The following MYOM3 variants were observed in gnomAD, a reference collection of about 807,000 sequenced individuals.
MYOM3 encodes myomesin-3.
MYOM3 carries 155 observed loss-of-function variants against 191.7 expected under a neutral mutation model. That is an observed-to-expected ratio of 0.81 (90% CI 0.71 to 0.92). MYOM3 has a LOEUF of 0.92. Ranked by LOEUF, MYOM3 falls within the 40% of genes least tolerant of loss-of-function variation. The pLI, the probability that MYOM3 is intolerant of heterozygous loss-of-function variation, is 0.00. For missense variants in MYOM3, 1,889 were observed against 1,890.6 expected (o/e 1.00, Z 0.02); for synonymous variants, 757 against 762.9 (o/e 0.99, Z 0.13).
At chr1:24,106,912 G>A (rs940022661) in intron 4 of MYOM3, among the ~76,000 whole-genome samples, 161 bp downstream of exon 4, 6 of 152,184 alleles carry the variant, frequency 3.9e-5, no homozygotes, top group African/African-American at 1.2e-4. Flanking sequence ...ACAGGGATGC[G>A]CTTGCCCGGG....
chr1:24,106,402 T>C (rs774363446), intron 4 of MYOM3, among the ~76,000 whole-genome samples: 14 of 152,066 alleles, frequency 9.2e-5, no homozygotes, highest in Non-Finnish European at 2.1e-4. Flanking sequence ...AAAGCCTGTG[T>C]AAGTGGAAGC....
chr1:24,066,467 C>T, intron 28 of MYOM3: 1 of 547,062 alleles, frequency 1.8e-6, no homozygotes, highest in Non-Finnish European at 3.3e-6. Flanking sequence ...TCTGGGAGAG[C>T]ACCCACCCTC....
intron 23 of MYOM3, among the ~76,000 whole-genome samples, chr1:24,072,269 A>G (rs1643541606): frequency 6.6e-6 from 1 of 152,168 alleles, no homozygotes; most frequent in Non-Finnish European, 1.5e-5. Flanking sequence ...TTCAAGGCCT[A>G]GATCAAGTCT....
chr1:24,086,507 A>G, intron 15 of MYOM3, 137 bp downstream of exon 15: 2 of 855,026 alleles, frequency 2.3e-6, no homozygotes, highest in South Asian at 1.8e-5. Context: ...CAGGCCTGAG[A>G]TCAAATTGCT....
At chr1:24,064,796 G>C (rs1464390011) in intron 29 of MYOM3, among the ~76,000 whole-genome samples, 2 of 152,110 alleles carry the variant, frequency 1.3e-5, no homozygotes, top group African/African-American at 4.8e-5. Context: ...GTGGGTTTGG[G>C]GCAGGATCCA....
At position 24,087,357 on chromosome 1, in the gene MYOM3, CA is replaced by C. The variant is rs1312734282; in HGVS notation, c.1615-531del. On this transcript the variant is annotated intron_variant, in intron 14 of 36. Coordinates refer to ENST00000374434, the MANE Select transcript of MYOM3 (RefSeq NM_152372.4). This position sits in a 1 kb window ranked among gnomAD's most constrained non-coding sequence, Gnocchi z 4.5. ...CTTCCGTCTTGTCTCAAATGGCCAT[CA>C]GGGGGATCCTTTTATAGCACGTGTC... is the stretch of plus-strand genomic sequence containing the variant. Among the ~76,000 whole-genome samples, 8 of 152,136 alleles carry C rather than the reference CA, an allele frequency of 5.3e-5. No homozygotes were observed. The highest frequency in any genetic ancestry group is 7.2e-5 in the African/African-American group (3 of 41,444).
Position 24,090,096 on chromosome 1 carries a change from G to A in MYOM3, c.1455C>T (p.Asn485=), listed in dbSNP as rs1209965304. ...AAGCGTCTGTGCTGATGGTGATCTT[G>A]TTTCCCAGATCAAAGGGGATCTCTA... is the stretch of plus-strand genomic sequence containing the variant. ...RKTEIPFDLG[N]KITISTDAFE... The change falls in exon 13 of 37, where the codon AAC becomes AAT. Residue 485 remains asparagine (N), a synonymous_variant. Coordinates refer to ENST00000374434, the MANE Select transcript of MYOM3 (RefSeq NM_152372.4). 6.2e-7 allele frequency: 1 copy of A among 1,613,734 alleles called. No individual in the cohort carries two copies. Among genetic ancestry groups the A allele is most frequent in the Non-Finnish European group, 8.5e-7 (1 of 1,179,758 alleles).
At chr1:24,067,354 T>G (rs1393214050) in intron 27 of MYOM3, among the ~76,000 whole-genome samples, 1 of 71,924 alleles carries the variant, frequency 1.4e-5, no homozygotes, top group African/African-American at 5.3e-5. Context: ...CTTTCTTTCT[T>G]TCTTTCTTTC....
At chr1:24,077,466 C>T (rs1324479197) in intron 20 of MYOM3, among the ~76,000 whole-genome samples, 3 of 152,188 alleles carry the variant, frequency 2.0e-5, no homozygotes, top group Non-Finnish European at 2.9e-5. Context: ...TGCCTTTGCC[C>T]TTGCTGAGTG....
intron 15 of MYOM3, 99 bp downstream of exon 15, chr1:24,086,545 G>A: frequency 8.1e-7 from 1 of 1,232,610 alleles, no homozygotes; most frequent in Non-Finnish European, 1.1e-6. Context: ...GTAGAAGGGA[G>A]CGGGGACAGG....
intron 7 of MYOM3, 109 bp from the exon 8 acceptor site, chr1:24,095,595 G>T: frequency 3.3e-6 from 3 of 911,038 alleles, no homozygotes; most frequent in Non-Finnish European, 5.0e-6. Context: ...TCTGTTGGTG[G>T]CTTCCCCTTG....
chr1:24,071,236 C>A lies in MYOM3; in HGVS notation c.3031G>T (p.Gly1011Cys). 1.2e-6 allele frequency: 2 copies of A among 1,613,346 alleles called. No individual in the cohort carries two copies. The highest frequency in any genetic ancestry group is 1.7e-6 in the Non-Finnish European group (2 of 1,179,680). ...CGCTCCAGGATGTCAATGTTCCAGC[C>A]GGAGATCAGTTTGATCACTGGGAGG... The part of the protein sequence containing the change: ...IRNPVIKLIS[G>C]WNIDILERGE... Residue 1011 changes from glycine (G) to cysteine (C), a missense_variant, in exon 25 of 37, where the codon GGC (glycine) becomes TGC (cysteine). Coordinates refer to ENST00000374434, the MANE Select transcript of MYOM3 (RefSeq NM_152372.4).
intron 23 of MYOM3, among the ~76,000 whole-genome samples, chr1:24,073,462 C>T (rs1643555518): frequency 6.6e-6 from 1 of 152,160 alleles, no homozygotes; most frequent in South Asian, 2.1e-4. Flanking sequence ...ATTGTCACCC[C>T]ATTTCTCAGA....
chr1:24,082,140 T>G lies in MYOM3; in HGVS notation c.2141A>C (p.Asn714Thr). The G allele has an allele frequency of 1.9e-6, 3 of 1,613,640 alleles. No individual in the cohort carries two copies. Among genetic ancestry groups the G allele is most frequent in the Non-Finnish European group, 2.5e-6 (3 of 1,179,850 alleles). ...YGFALLNCGKNEMVIGWKPPK... is the reference protein window; with the variant it reads ...YGFALLNCGKTEMVIGWKPPK... ...GGGTTTCCACCCAATGACCATTTCA[T>G]TCTTCCCGCAGTTCAGGAGGGCAAA... The change falls in exon 18 of 37, where the codon AAT becomes ACT. Residue 714 changes from asparagine (N) to threonine (T), a missense_variant. Physicochemically the swap from Asn to Thr is moderately conservative, Grantham distance 65 (BLOSUM62 0). Transcript: ENST00000374434.
chr1:24,077,334 G>A (rs1643614704), intron 20 of MYOM3, among the ~76,000 whole-genome samples: 2 of 152,140 alleles, frequency 1.3e-5, no homozygotes, highest in African/African-American at 4.8e-5. Flanking sequence ...AAATTTCGAG[G>A]TCGAGTACCT....
rs760531259 is a variant in MYOM3 at position 24,107,118 on chromosome 1, G to A, written c.357C>T (p.His119=). 12 of 1,612,554 alleles carry A rather than the reference G, an allele frequency of 7.4e-6. No individual in the cohort carries two copies. Among genetic ancestry groups the A allele is most frequent in the Non-Finnish European group, 8.5e-6 (10 of 1,179,488 alleles). The change falls in exon 4 of 37, where the codon CAC becomes CAT. Residue 119 remains histidine, a synonymous_variant. Coordinates refer to ENST00000374434, the MANE Select transcript of MYOM3 (RefSeq NM_152372.4). Reference sequence around the variant, plus strand: ...AGTCCCGCCTCTGGCGCAGCAGCCGGTGGGTCTGCAGGAAGGCGATCTCAG... The same window carrying A: ...AGTCCCGCCTCTGGCGCAGCAGCCGATGGGTCTGCAGGAAGGCGATCTCAG... ...ERTEIAFLQT[H]RLLRQRRDWK...
intron 16 of MYOM3, chr1:24,084,262 G>C: frequency 1.7e-6 from 1 of 573,068 alleles, no homozygotes; most frequent in South Asian, 2.0e-5. Flanking sequence ...TCCCTCTCCT[G>C]CTCCCGCCAT....
In MYOM3 at chr1:24,071,276, G is replaced by A. The variant is rs187920911; in HGVS notation, c.3014-23C>T. Reference sequence around the variant, plus strand: ...TCACTGGGAGGCGCAGGACGGGAAGGGGGTGGGTTGGACCCCTTCTCCCTT... The same window carrying A: ...TCACTGGGAGGCGCAGGACGGGAAGAGGGTGGGTTGGACCCCTTCTCCCTT... On this transcript the variant is annotated intron_variant, in intron 24 of 36. Transcript: ENST00000374434. The A allele has an allele frequency of 1.4e-5, 23 of 1,597,818 alleles. No individual in the cohort carries two copies. In the East Asian group the frequency reaches 4.7e-4, roughly 33 times the overall value.
At chr1:24,094,811 G>A in intron 9 of MYOM3, 42 bp downstream of exon 9, 1 of 1,576,216 alleles carries the variant, frequency 6.3e-7, no homozygotes, top group South Asian at 1.2e-5. Context: ...GCTTTGGAGG[G>A]GCCAGCTCTG....
Sources: gnomAD v4.1 joint callset for allele counts (sites outside exome capture counted in the v4.1 genomes callset) on GRCh38, gnomAD v4.1.1 for gene constraint, Gnocchi (gnomAD v3.1) non-coding constraint, MANE v1.5 for transcripts, NCBI Gene and HGNC (gene_info 2026-07-23, HGNC 2026-07-21) for gene names.